USP24: variants seen among roughly 807,000 people sequenced by gnomAD.
The protein encoded by USP24 is ubiquitin specific peptidase 24, also known as ubiquitin carboxyl-terminal hydrolase 24.
Under a neutral mutation model 361.6 loss-of-function variants are expected in USP24, and 97 were observed. The observed-to-expected ratio is 0.27, with a 90% CI of 0.23 to 0.32. The LOEUF (loss-of-function observed/expected upper bound fraction) is 0.32, where lower values mean the gene tolerates loss of function less well. USP24 is among the 10% of genes least tolerant of loss of function. The pLI, the probability that USP24 is intolerant of heterozygous loss-of-function variation, is 1.00. For synonymous variants in USP24, 1,098 were observed against 1,124.6 expected (o/e 0.98, Z 0.47); for missense variants, 2,353 against 3,165.6 (o/e 0.74, Z 6.16).
chr1:55,134,191 C>A lies in USP24; in HGVS notation c.3288-28G>T, dbSNP rs1646671027. On this transcript the variant is annotated intron_variant, in intron 29 of 67. Transcript: ENST00000294383. ...GAAGTTTTTCAAATACAAATTTTTT[C>A]ATATAAGCCATAGTTTAATTCAACA... 4.4e-6 allele frequency: 7 copies of A among 1,603,126 alleles called. No individual in the cohort carries two copies. In the Admixed American group the frequency reaches 1.2e-4, roughly 27 times the overall value.
chr1:55,144,594 T>G (rs747928653), intron 20 of USP24, among the ~76,000 whole-genome samples: 1 of 152,146 alleles, frequency 6.6e-6, no homozygotes, highest in Non-Finnish European at 1.5e-5. Flanking sequence ...TAAGCACATA[T>G]AAATAGATGC....
chr1:55,214,719 C>T (rs1342987250), intron 1 of USP24, 71 bp downstream of exon 1: 4 of 1,106,912 alleles, frequency 3.6e-6, no homozygotes, highest in Non-Finnish European at 4.5e-6. Flanking sequence ...CCAAGCCCAG[C>T]GGGGTGTGTC....
rs774023741 is a variant in USP24, at chr1:55,125,502, G to A, written c.3778C>T (p.Leu1260Phe). Residue 1260 changes from leucine to phenylalanine, a missense_variant, in exon 34 of 68, where the codon CTC becomes TTC. Coordinates refer to ENST00000294383, the MANE Select transcript of USP24 (RefSeq NM_015306.3). ...AGTGCTTCTATACCATCTTTGGTGA[G>A]GTCTTCATCTAATAACGTGGGCATT... is the stretch of plus-strand genomic sequence containing the variant. ...QTMPTLLDEDLTKDGIEALSS... is the reference protein window; with the variant it reads ...QTMPTLLDEDFTKDGIEALSS... 4 of 1,613,928 alleles carry A rather than the reference G, an allele frequency of 2.5e-6. No homozygotes were observed. The highest frequency in any genetic ancestry group is 1.7e-5 in the Admixed American group (1 of 60,014).
intron 54 of USP24, 120 bp from the exon 55 acceptor site, chr1:55,089,860 G>C: frequency 1.5e-6 from 1 of 648,006 alleles, no homozygotes; most frequent in South Asian, 2.3e-5. Flanking sequence ...TATGTCTCTC[G>C]TGGGTAGAGT....
chr1:55,106,566 G>C (rs1472143628), intron 40 of USP24, among the ~76,000 whole-genome samples: 1 of 152,186 alleles, frequency 6.6e-6, no homozygotes, highest in Non-Finnish European at 1.5e-5. Context: ...CCACAAGGCA[G>C]AATGGTTTGA....
At chr1:55,108,875 A>G (rs1645867798) in intron 39 of USP24, among the ~76,000 whole-genome samples, 1 of 152,212 alleles carries the variant, frequency 6.6e-6, no homozygotes, top group African/African-American at 2.4e-5. Flanking sequence ...TAGTCCACCC[A>G]CTTCGCTAGA....
At chr1:55,087,693 T>G (rs988529481) in intron 55 of USP24, among the ~76,000 whole-genome samples, 15 of 152,228 alleles carry the variant, frequency 9.9e-5, no homozygotes, top group African/African-American at 3.6e-4. Flanking sequence ...TGCCAGCCTC[T>G]TTGTGTCTAG....
At chr1:55,079,858 G>C (rs1032036934) in intron 59 of USP24, among the ~76,000 whole-genome samples, 199 bp from the exon 60 acceptor site, 1 of 149,240 alleles carries the variant, frequency 6.7e-6, no homozygotes, top group African/African-American at 2.5e-5. Flanking sequence ...CAGAGTACTC[G>C]TGCACACTGA....
At chr1:55,200,800 G>GT (rs2100917720) in intron 1 of USP24, among the ~76,000 whole-genome samples, 1 of 152,274 alleles carries the variant, frequency 6.6e-6, no homozygotes, top group African/African-American at 2.4e-5. Flanking sequence ...CCTAAGTGAT[G>GT]TAACAAAACT....
intron 28 of USP24, among the ~76,000 whole-genome samples, chr1:55,137,094 G>A (rs1304768100): frequency 6.6e-6 from 1 of 152,174 alleles, no homozygotes; most frequent in Admixed American, 6.5e-5. Flanking sequence ...AACAGGCGGA[G>A]AGACAGTGGA....
chr1:55,210,335 G>C (rs993479722), intron 1 of USP24, among the ~76,000 whole-genome samples: 5 of 152,012 alleles, frequency 3.3e-5, no homozygotes, highest in Non-Finnish European at 5.9e-5. Context: ...ACTTTCAACT[G>C]ATTTGGGAAA....
At chr1:55,094,932 G>A (rs1645462601) in intron 51 of USP24, among the ~76,000 whole-genome samples, 2 of 152,108 alleles carry the variant, frequency 1.3e-5, no homozygotes, top group Non-Finnish European at 2.9e-5. Context: ...CAGCCTGGGA[G>A]GTCGAGGCTG....
chr1:55,147,805 G>A lies in USP24; in HGVS notation c.1969-7C>T, dbSNP rs776924349. 1.2e-5 allele frequency: 19 copies of A among 1,608,724 alleles called. No individual in the cohort carries two copies. The highest frequency in any genetic ancestry group is 3.4e-5 in the Admixed American group (2 of 59,132). On this transcript the variant is annotated splice_region_variant and splice_polypyrimidine_tract_variant and intron_variant, in intron 17 of 67. Transcript: ENST00000294383. ...TCAAGTCTTGAATAATGCTCTTGGC[G>A]AAAATAACAAAAAGAAAAGTGGTAA...
At chr1:55,153,772 A>C (rs1422679766) in intron 16 of USP24, 98 bp downstream of exon 16, 36 of 1,254,520 alleles carry the variant, frequency 2.9e-5, no homozygotes, top group Non-Finnish European at 3.3e-5. Flanking sequence ...ATTAAGAAAC[A>C]CTAAAACATA....
At chr1:55,104,616 C>T (rs1219430844) in intron 41 of USP24, among the ~76,000 whole-genome samples, 1 of 152,226 alleles carries the variant, frequency 6.6e-6, no homozygotes, top group Non-Finnish European at 1.5e-5. Flanking sequence ...ACAATAATAT[C>T]TCACTTTAAC....
At chr1:55,161,863 C>A (rs1440599274) in intron 8 of USP24, among the ~76,000 whole-genome samples, 1 of 151,972 alleles carries the variant, frequency 6.6e-6, no homozygotes, top group African/African-American at 2.4e-5. Flanking sequence ...TAATCTGATT[C>A]AATACATAAT....
At position 55,214,880 on chromosome 1, in the gene USP24, G is replaced by A. The variant is rs1479418847; in HGVS notation, c.234C>T (p.Gly78=). 18 of 1,226,706 alleles carry A rather than the reference G, an allele frequency of 1.5e-5. No individual in the cohort carries two copies. Among genetic ancestry groups the A allele is most frequent in the African/African-American group, 3.2e-5 (2 of 62,996 alleles). 76.0% of individuals were successfully genotyped at this position (1,226,706 alleles called of 1,614,324 possible). The stretch of plus-strand genomic sequence containing the variant: ...CGCCGCGGGAGGGGCCGCCGCCGCC[G>A]CCGTCACCTCCGCCGTCGCCCCGCG... ...GGPRGDGGGD[G]GGGGPSRGGS... The change falls in exon 1 of 68, where the codon GGC becomes GGT. Residue 78 remains glycine (G), a synonymous_variant. Coordinates refer to ENST00000294383, the MANE Select transcript of USP24 (RefSeq NM_015306.3).
In USP24 at chr1:55,137,544, C is replaced by A. The variant is rs1646772249; in HGVS notation, c.3172G>T (p.Val1058Phe). ...STSSSSSSSGVFSSSYAMEQE... is the reference protein window; with the variant it reads ...STSSSSSSSGFFSSSYAMEQE... ...TCCATGGCATATGAAGAACTAAAAA[C>A]CCCACTGCTGCTGCTGCTGGAGCTG... The change falls in exon 28 of 68, where the codon GTT (valine) becomes TTT (phenylalanine). Residue 1058 changes from valine (V) to phenylalanine (F), a missense_variant. Around this residue, in one of 8 missense-constraint regions of USP24, gnomAD observed 949 missense variants for 1,280.5 expected, o/e 0.74. Transcript: ENST00000294383. The A allele has an allele frequency of 6.2e-7, 1 of 1,613,352 alleles. No individual in the cohort carries two copies. Among genetic ancestry groups the A allele is most frequent in the South Asian group, 1.1e-5 (1 of 91,030 alleles).
intron 1 of USP24, among the ~76,000 whole-genome samples, chr1:55,182,490 A>G (rs894465288): frequency 6.6e-6 from 1 of 152,176 alleles, no homozygotes; most frequent in Non-Finnish European, 1.5e-5. Flanking sequence ...GTTCATTACC[A>G]TGGGATATCC....
Sources: allele counts gnomAD v4.1 joint callset (sites outside exome capture counted in the v4.1 genomes callset), GRCh38; gene constraint gnomAD v4.1.1; regional missense constraint gnomAD v4.1.1; transcripts MANE v1.5; gene names NCBI Gene and HGNC (gene_info 2026-07-23, HGNC 2026-07-21).